The following C12orf42 variants were observed in gnomAD, a reference collection of about 807,000 sequenced individuals.
The protein encoded by C12orf42 is chromosome 12 open reading frame 42.
A neutral mutation model predicts 21.6 loss-of-function variants in C12orf42; 25 were observed. The ratio of observed to expected loss-of-function variants is 1.16; its 90% confidence interval spans 0.84 to 1.62. The LOEUF is 1.62. Ranked by LOEUF, C12orf42 falls within the 40% of genes most tolerant of loss-of-function variation. The pLI is 0.00. For missense variants in C12orf42, 483 were observed against 459.3 expected (o/e 1.05, Z -0.47); for synonymous variants, 174 against 175.0 (o/e 0.99, Z 0.05).
chr12:103,490,860 G>A (rs1955141386), intron 1 of C12orf42, among the ~76,000 whole-genome samples: 2 of 151,540 alleles, frequency 1.3e-5, no homozygotes, highest in African/African-American at 4.8e-5. Flanking sequence ...TTATATTATT[G>A]TTATATATTC....
At chr12:103,318,558 G>T (rs1566070473) in intron 4 of C12orf42, among the ~76,000 whole-genome samples, 1 of 152,148 alleles carries the variant, frequency 6.6e-6, no homozygotes. Flanking sequence ...GTAGAAAATG[G>T]CACTGCATTG....
intron 2 of C12orf42, among the ~76,000 whole-genome samples, chr12:103,436,740 A>C (rs1950751740): frequency 6.6e-6 from 1 of 152,234 alleles, no homozygotes; most frequent in African/African-American, 2.4e-5. Context: ...AGGAGCACCC[A>C]GATTCATAAA....
the C12orf42 span, among the ~76,000 whole-genome samples, chr12:103,182,726 C>G: frequency 6.6e-6 from 1 of 152,178 alleles, no homozygotes; most frequent in South Asian, 2.1e-4. Context: ...AAAAAACACT[C>G]TAGAGCTTTT....
At chr12:103,478,570 G>A (rs1423921101) in intron 1 of C12orf42, 123 bp from the exon 2 acceptor site, 6 of 424,258 alleles carry the variant, frequency 1.4e-5, no homozygotes, top group African/African-American at 6.3e-5. Flanking sequence ...TTTCTTGCCA[G>A]TGACTTTCAA....
In C12orf42 at chr12:103,257,295, C is replaced by T. The variant is rs74482264; in HGVS notation, c.*1366+6031G>A. On this transcript the variant is annotated intron_variant and NMD_transcript_variant, in intron 10 of 10. Transcript: ENST00000547347. ...AATGAAATAATCTGTATAACAAACC[C>T]CTATGATGCAATGACACAAATTTAC... Among the ~76,000 whole-genome samples, 592 of 152,104 alleles carry T rather than the reference C, an allele frequency of 3.9e-3. 3 individuals carry two copies. The highest frequency in any genetic ancestry group is 7.1e-3 in the African/African-American group (294 of 41,524).
chr12:103,435,310 A>G (rs1950606370), intron 2 of C12orf42, among the ~76,000 whole-genome samples: 1 of 152,262 alleles, frequency 6.6e-6, no homozygotes, highest in Non-Finnish European at 1.5e-5. Flanking sequence ...AAAAAACAGA[A>G]CAGAAAAACC....
At chr12:103,205,683 T>C in the C12orf42 span, among the ~76,000 whole-genome samples, 1 of 152,238 alleles carries the variant, frequency 6.6e-6, no homozygotes, top group Non-Finnish European at 1.5e-5. Context: ...GCAGTATTCA[T>C]AGCAGAATTA....
At chr12:103,351,604 G>A (rs1453438225) in intron 4 of C12orf42, among the ~76,000 whole-genome samples, 1 of 151,966 alleles carries the variant, frequency 6.6e-6, no homozygotes, top group Non-Finnish European at 1.5e-5. Context: ...CATGTCTGAG[G>A]AGAAACAACT....
chr12:103,220,649 A>G, the C12orf42 span, among the ~76,000 whole-genome samples: 2 of 152,070 alleles, frequency 1.3e-5, no homozygotes, highest in African/African-American at 4.8e-5. Flanking sequence ...ACACACACAG[A>G]AAGAGGGAAT....
At chr12:103,315,498 C>T (rs972332541) in intron 4 of C12orf42, among the ~76,000 whole-genome samples, 1 of 151,890 alleles carries the variant, frequency 6.6e-6, no homozygotes, top group African/African-American at 2.4e-5. Context: ...GAAGACAGGT[C>T]AATACGAACT....
At chr12:103,505,935 C>A in the C12orf42 span, 1 of 165,732 alleles carries the variant, frequency 6.0e-6, no homozygotes. Context: ...CTGGGCCATC[C>A]CTGCTTCCTC....
chr12:103,096,446 C>T, the C12orf42 span, among the ~76,000 whole-genome samples: 1 of 152,024 alleles, frequency 6.6e-6, no homozygotes, highest in Non-Finnish European at 1.5e-5. Context: ...GGCCTTGAGG[C>T]ACTGTGAAAA....
At chr12:103,434,851 C>A (rs893897043) in intron 2 of C12orf42, among the ~76,000 whole-genome samples, 4 of 152,202 alleles carry the variant, frequency 2.6e-5, no homozygotes, top group Non-Finnish European at 4.4e-5. Flanking sequence ...CCCAGGCTTG[C>A]TTAGGTAAAC....
chr12:103,205,307 G>C, the C12orf42 span, among the ~76,000 whole-genome samples: 1 of 142,054 alleles, frequency 7.0e-6, no homozygotes, highest in Non-Finnish European at 1.6e-5. Context: ...GAGTTTTAGT[G>C]GACTCACAGT....
At chr12:103,528,992 C>T in the C12orf42 span, among the ~76,000 whole-genome samples, 2 of 152,092 alleles carry the variant, frequency 1.3e-5, no homozygotes, top group Non-Finnish European at 2.9e-5. Flanking sequence ...CTTTTTGGTC[C>T]CTGAACCCAT....
chr12:103,162,513 G>A, the C12orf42 span, among the ~76,000 whole-genome samples: 1 of 151,352 alleles, frequency 6.6e-6, no homozygotes, highest in Admixed American at 6.6e-5. Flanking sequence ...GCTGGTGTGT[G>A]TGTGTGTGTG....
intron 2 of C12orf42, among the ~76,000 whole-genome samples, chr12:103,440,768 G>A (rs1452540635): frequency 1.3e-5 from 2 of 151,990 alleles, no homozygotes; most frequent in African/African-American, 4.8e-5. Flanking sequence ...CTCCCCTCTT[G>A]GAGAATTACA....
chr12:103,411,731 C>T (rs1344361538), intron 2 of C12orf42, among the ~76,000 whole-genome samples: 2 of 152,232 alleles, frequency 1.3e-5, no homozygotes, highest in African/African-American at 4.8e-5. Flanking sequence ...TGATCTTGGA[C>T]TTCCCATCCT....
the C12orf42 span, among the ~76,000 whole-genome samples, chr12:103,216,580 G>A: frequency 5.9e-5 from 9 of 151,738 alleles, no homozygotes; most frequent in Non-Finnish European, 4.4e-5. Flanking sequence ...GGGTTTCACC[G>A]TGTTAGCCAG....
Sources: gnomAD v4.1 joint callset for allele counts (sites outside exome capture counted in the v4.1 genomes callset) on GRCh38, gnomAD v4.1.1 for gene constraint, MANE v1.5 for transcripts, NCBI Gene and HGNC (gene_info 2026-07-23, HGNC 2026-07-21) for gene names.